KCTD20: variants seen among roughly 807,000 people sequenced by gnomAD.
KCTD20 encodes potassium channel tetramerization domain containing 20.
In KCTD20, 30 loss-of-function variants were observed where a neutral mutation model predicts 39.6. The observed-to-expected ratio is 0.76, with a 90% CI of 0.57 to 1.03. The LOEUF is 1.03. Ranked by LOEUF, KCTD20 falls within the 50% of genes least tolerant of loss-of-function variation. The pLI is 0.00. For missense variants in KCTD20, 422 were observed against 522.0 expected, an observed-to-expected ratio of 0.81 and a Z score of 1.87; for synonymous variants, 162 against 180.6, an observed-to-expected ratio of 0.90 and a Z score of 0.83.
At chr6:36,485,187 A>G (rs1776378854) in intron 7 of KCTD20, among the ~76,000 whole-genome samples, 1 of 152,148 alleles carries the variant, frequency 6.6e-6, no homozygotes, top group African/African-American at 2.4e-5. Flanking sequence ...TTCTGAAAAA[A>G]TAGCTTGGGG....
At chr6:36,448,095 C>G (rs1360035686) in intron 1 of KCTD20, among the ~76,000 whole-genome samples, 1 of 149,576 alleles carries the variant, frequency 6.7e-6, no homozygotes, top group Non-Finnish European at 1.5e-5. Context: ...TCTGCCCTTA[C>G]TAAAACAGGA....
In KCTD20 at chr6:36,490,836, A is replaced by G. The variant is rs1288967591; in HGVS notation, c.*3661A>G. 2 of 152,170 alleles carry G rather than the reference A, an allele frequency of 1.3e-5. No homozygotes were observed. 9.4% of individuals were successfully genotyped at this position (152,170 alleles called of 1,614,324 possible). A position where few individuals can be genotyped will look rare whatever the true frequency, so the allele number is the denominator to read the frequency against. ...GATGACAGGGCAAGACCCTGTCTCAATATTTTAAGTCAAGGGTTTGTAGTA... is the reference window on the plus strand; with the variant it reads ...GATGACAGGGCAAGACCCTGTCTCAGTATTTTAAGTCAAGGGTTTGTAGTA... On this transcript the variant is annotated 3_prime_UTR_variant, in exon 8 of 8. Coordinates refer to ENST00000373731, the MANE Select transcript of KCTD20 (RefSeq NM_173562.5).
At chr6:36,445,169 G>A (rs544768341) in intron 1 of KCTD20, among the ~76,000 whole-genome samples, 4 of 151,492 alleles carry the variant, frequency 2.6e-5, no homozygotes, top group East Asian at 3.9e-4. Context: ...GGCTGAGGCC[G>A]GAGAATCACT....
chr6:36,478,851 A>G (rs887047361), intron 3 of KCTD20, among the ~76,000 whole-genome samples: 1 of 152,232 alleles, frequency 6.6e-6, no homozygotes, highest in Non-Finnish European at 1.5e-5. Context: ...ATTTACTGCC[A>G]AAGAAACTCA....
At chr6:36,445,875 T>G (rs184507216) in intron 1 of KCTD20, among the ~76,000 whole-genome samples, 15 of 151,972 alleles carry the variant, frequency 9.9e-5, no homozygotes, top group East Asian at 3.9e-4. Flanking sequence ...AAAATGGAGA[T>G]TGAAGGAGGA....
chr6:36,482,281 CG>C (rs1776273754), intron 6 of KCTD20, among the ~76,000 whole-genome samples: 1 of 152,190 alleles, frequency 6.6e-6, no homozygotes, highest in South Asian at 2.1e-4. Context: ...GGGCCGGGCG[CG>C]GTAGCTCATG....
At chr6:36,472,471 C>T (rs977029524) in intron 2 of KCTD20, among the ~76,000 whole-genome samples, 2 of 151,970 alleles carry the variant, frequency 1.3e-5, no homozygotes, top group African/African-American at 4.8e-5. Flanking sequence ...GGGCATTAAT[C>T]ATGTTCCTGA....
In KCTD20 at chr6:36,469,395, G is replaced by A. The variant is rs1775847947; in HGVS notation, c.-46-657G>A. Among the ~76,000 whole-genome samples the A allele has an allele frequency of 6.6e-6, 1 of 152,178 alleles. No homozygotes were observed. ...GTCTTGCACGTGGCAGTCACATAGT[G>A]TGTGTTGTTCATGGGGACTCTGCAC... On this transcript the variant is annotated intron_variant, in intron 1 of 7. Transcript: ENST00000373731. The surrounding 1 kb of genome is among the most constrained non-coding windows in gnomAD (Gnocchi z 4.6).
At chr6:36,463,313 G>T (rs6905347) in intron 1 of KCTD20, among the ~76,000 whole-genome samples, 8 of 152,078 alleles carry the variant, frequency 5.3e-5, no homozygotes, top group African/African-American at 1.9e-4. Flanking sequence ...TGAGGAATAT[G>T]TGTATGAACT....
At chr6:36,453,045 T>TA in intron 1 of KCTD20, among the ~76,000 whole-genome samples, 1 of 147,746 alleles carries the variant, frequency 6.8e-6, no homozygotes, top group Admixed American at 6.8e-5. Context: ...TCTCACTCTG[T>TA]TGCCCTGGCT....
intron 3 of KCTD20, among the ~76,000 whole-genome samples, chr6:36,478,101 A>AAAAAAAAAAG (rs112536319): frequency 0.054 from 7,805 of 145,586 alleles, 578 homozygotes; most frequent in Admixed American, 0.16. Flanking sequence ...TCTCAAAAAA[A>AAAAAAAAAAG]AAAAGAAAAG....
intron 7 of KCTD20, among the ~76,000 whole-genome samples, chr6:36,486,425 C>T (rs1043612138): frequency 6.6e-6 from 1 of 152,202 alleles, no homozygotes; most frequent in African/African-American, 2.4e-5. Context: ...ATGTGACAGC[C>T]TTTCACATAT....
In KCTD20 at chr6:36,483,118, C is replaced by CAA. The variant is rs767686820; in HGVS notation, c.856+1377_856+1378dup. On this transcript the variant is annotated intron_variant, in intron 6 of 7. Transcript: ENST00000373731. Reference sequence around the variant, plus strand: ...TGGGTAACAGAGCGAGACTCCGTTTCAAAAAAAAAAAAAAAAAAATTATAC... The same window carrying CAA: ...TGGGTAACAGAGCGAGACTCCGTTTCAAAAAAAAAAAAAAAAAAAAATTATAC... 7.5e-3 allele frequency among the ~76,000 whole-genome samples: 808 copies of CAA among 108,256 alleles called. 27 individuals are homozygous for CAA. Among genetic ancestry groups the CAA allele is most frequent in the Non-Finnish European group, 0.013 (615 of 47,050 alleles). The allele number at this position is 108,256 out of a possible 152,430, so 71.0% of individuals were successfully genotyped here.
At chr6:36,445,261 CA>C (rs34039126) in intron 1 of KCTD20, among the ~76,000 whole-genome samples, 696 of 79,754 alleles carry the variant, frequency 8.7e-3, no homozygotes, top group African/African-American at 0.024. Context: ...GACTCCGTCT[CA>C]AAAAAAAAAA....
At chr6:36,453,152 CGCG>C (rs1561943596) in intron 1 of KCTD20, among the ~76,000 whole-genome samples, 2 of 151,626 alleles carry the variant, frequency 1.3e-5, no homozygotes, top group East Asian at 3.9e-4. Context: ...GGATTACAGA[CGCG>C]TGCCACTACT....
chr6:36,478,555 T>G (rs1477957687), intron 3 of KCTD20, among the ~76,000 whole-genome samples: 1 of 152,144 alleles, frequency 6.6e-6, no homozygotes, highest in Non-Finnish European at 1.5e-5. Context: ...AAGGCCATTT[T>G]TCCCCCAGAG....
chr6:36,460,677 C>G (rs563125166), intron 1 of KCTD20, among the ~76,000 whole-genome samples: 1 of 152,262 alleles, frequency 6.6e-6, no homozygotes, highest in East Asian at 1.9e-4. Flanking sequence ...TTTAGAGGCT[C>G]TGTTGTAGCA....
At chr6:36,475,408 C>T (rs1196974186) in intron 3 of KCTD20, among the ~76,000 whole-genome samples, 1 of 151,132 alleles carries the variant, frequency 6.6e-6, no homozygotes, top group Admixed American at 6.6e-5. Flanking sequence ...GAGACTGCAC[C>T]ATTGCACTCC....
At position 36,479,236 on chromosome 6, in the gene KCTD20, CT is replaced by C; in HGVS notation, c.537+19del. 3.8e-6 allele frequency: 6 copies of C among 1,581,508 alleles called. No homozygotes were observed. Among genetic ancestry groups the C allele is most frequent in the South Asian group, 1.1e-5 (1 of 89,080 alleles). On this transcript the variant is annotated intron_variant, in intron 4 of 7. Transcript: ENST00000373731. ...TCGCACAGTGCTGGTGTGTGGTAGC[CT>C]TTTTTGTTACATTCTCTTCCTCAGG...
Sources: gnomAD v4.1 joint callset for allele counts (sites outside exome capture counted in the v4.1 genomes callset) on GRCh38, gnomAD v4.1.1 for gene constraint, Gnocchi (gnomAD v3.1) non-coding constraint, MANE v1.5 for transcripts, NCBI Gene and HGNC (gene_info 2026-07-23, HGNC 2026-07-21) for gene names.